ACTN1: variants seen among roughly 807,000 people sequenced by gnomAD.
ACTN1 encodes actinin alpha 1.
Under a neutral mutation model 119.6 loss-of-function variants are expected in ACTN1, and 30 were observed. The ratio of observed to expected loss-of-function variants is 0.25; its 90% CI spans 0.19 to 0.34. The LOEUF (loss-of-function observed/expected upper bound fraction) is 0.34, where lower values mean the gene tolerates loss of function less well. Among genes scored for constraint, ACTN1 ranks in the 10% least tolerant of loss-of-function variants. The probability of loss-of-function intolerance (pLI) is 1.00; values close to 1 mark genes in which losing one functional copy is unlikely to be tolerated. For synonymous variants in ACTN1, 429 were observed against 472.6 expected (o/e 0.91, Z 1.20); for missense variants, 764 against 1,223.4 (o/e 0.62, Z 5.60).
chr14:68,899,837 C>G (rs1253158060), intron 8 of ACTN1, among the ~76,000 whole-genome samples: 2 of 152,224 alleles, frequency 1.3e-5, no homozygotes, highest in Non-Finnish European at 2.9e-5. Flanking sequence ...GCAGAGAGCT[C>G]AGCCTGACCA....
At chr14:68,896,029 C>T (rs1369949430) in intron 8 of ACTN1, among the ~76,000 whole-genome samples, 1 of 152,110 alleles carries the variant, frequency 6.6e-6, no homozygotes, top group Non-Finnish European at 1.5e-5. Context: ...CTGAGAATAC[C>T]ATCCATTATA....
At chr14:68,940,842 G>A (rs2035739966) in intron 1 of ACTN1, among the ~76,000 whole-genome samples, 1 of 152,136 alleles carries the variant, frequency 6.6e-6, no homozygotes, top group South Asian at 2.1e-4. Context: ...AAGAAAGAAA[G>A]AGATCCTGCT....
chr14:68,884,077 C>T, intron 14 of ACTN1, 91 bp downstream of exon 14: 1 of 1,341,612 alleles, frequency 7.5e-7, no homozygotes. Flanking sequence ...GGATGCTCTT[C>T]CTCAGGGGGC....
intron 13 of ACTN1, among the ~76,000 whole-genome samples, 190 bp downstream of exon 13, chr14:68,884,585 A>C (rs2031839825): frequency 6.6e-6 from 1 of 152,274 alleles, no homozygotes; most frequent in African/African-American, 2.4e-5. Flanking sequence ...AGGGCAAGAG[A>C]GGAGGCATCG....
intron 1 of ACTN1, among the ~76,000 whole-genome samples, chr14:68,963,231 T>C (rs1369520326): frequency 6.6e-6 from 1 of 152,180 alleles, no homozygotes; most frequent in Non-Finnish European, 1.5e-5. Flanking sequence ...GGCTGGAGCC[T>C]TCCTTGGAAC....
intron 1 of ACTN1, among the ~76,000 whole-genome samples, chr14:68,968,087 A>G (rs1159617585): frequency 6.6e-6 from 1 of 152,238 alleles, no homozygotes; most frequent in African/African-American, 2.4e-5. Flanking sequence ...TCTCAAGCCC[A>G]GGAAAAGAGG....
intron 8 of ACTN1, 26 bp from the exon 9 acceptor site, chr14:68,893,773 G>A (rs376697696): frequency 1.9e-5 from 31 of 1,610,824 alleles, no homozygotes; most frequent in Middle Eastern, 3.3e-4. Context: ...AGAGAGTCAC[G>A]ACCAGCCAGC....
At chr14:68,908,836 C>T (rs1204643761) in intron 6 of ACTN1, among the ~76,000 whole-genome samples, 1 of 152,162 alleles carries the variant, frequency 6.6e-6, no homozygotes, top group Non-Finnish European at 1.5e-5. Flanking sequence ...GGGAGTGAAA[C>T]CAAAAGAAAA....
At chr14:68,891,198 T>TTG (rs33966595) in intron 10 of ACTN1, among the ~76,000 whole-genome samples, 88,350 of 151,938 alleles carry the variant, frequency 0.58, 26,555 homozygotes, top group East Asian at 0.87. Flanking sequence ...CTCCTGTTAC[T>TTG]TTTCACTTAA....
chr14:68,877,050 C>A (rs915551718), intron 21 of ACTN1, 32 bp downstream of exon 21: 1 of 1,612,224 alleles, frequency 6.2e-7, no homozygotes, highest in East Asian at 2.2e-5. Flanking sequence ...TGCCTGCCAC[C>A]CCAGCACAGT....
At chr14:68,969,451 G>T (rs944193977) in intron 1 of ACTN1, among the ~76,000 whole-genome samples, 2 of 152,204 alleles carry the variant, frequency 1.3e-5, no homozygotes, top group African/African-American at 4.8e-5. Flanking sequence ...GGAAAGAAAG[G>T]CCCTTACAAA....
At chr14:68,915,113 A>G (rs1229274455) in intron 3 of ACTN1, among the ~76,000 whole-genome samples, 1 of 152,152 alleles carries the variant, frequency 6.6e-6, no homozygotes, top group Non-Finnish European at 1.5e-5. Context: ...ACACAGAATG[A>G]CCAAGTAAAT....
rs528805761 is a variant in ACTN1 at position 68,878,418 on chromosome 14, C to T, written c.2427+40G>A. 1.3e-6 allele frequency: 2 copies of T among 1,523,070 alleles called. No individual in the cohort carries two copies. The highest frequency in any genetic ancestry group is 1.8e-6 in the Non-Finnish European group (2 of 1,136,900). The allele number at this position is 1,523,070 out of a possible 1,614,324, so 94.3% of individuals were successfully genotyped here. ...CTTGGCTGCTCCCGCCAGCTGGCTG[C>T]CTTCTCACCAGGGCAGACAGAGGGT... On this transcript the variant is annotated intron_variant, in intron 20 of 21. Transcript: ENST00000394419. This position sits in a 1 kb window ranked among gnomAD's most constrained non-coding sequence, Gnocchi z 4.4.
intron 3 of ACTN1, among the ~76,000 whole-genome samples, chr14:68,916,154 T>A (rs546450057): frequency 9.3e-4 from 142 of 152,046 alleles, no homozygotes; most frequent in Middle Eastern, 3.4e-3. Context: ...AAGGGAAAAA[T>A]TTTTTAAGCC....
chr14:68,932,965 T>G (rs1027929636), intron 1 of ACTN1, among the ~76,000 whole-genome samples: 1 of 152,108 alleles, frequency 6.6e-6, no homozygotes, highest in African/African-American at 2.4e-5. Context: ...TATTGACCAT[T>G]TGCTACACGC....
At position 68,887,970 on chromosome 14, in the gene ACTN1, C is replaced by G; in HGVS notation, c.1234+2169G>C. 5.1e-6 allele frequency: 4 copies of G among 790,658 alleles called. No homozygotes were observed. In the South Asian group the frequency reaches 5.3e-5, roughly 11 times the overall value. The allele number at this position is 790,658 out of a possible 1,614,324, so 49.0% of individuals were successfully genotyped here. ...TCTGAAGATTTATCCTTCACTGCTG[C>G]GTTTTTCGGCTTCGCTTCCACTTTT... On this transcript the variant is annotated intron_variant, in intron 11 of 21. Coordinates refer to ENST00000394419, the MANE Select transcript of ACTN1 (RefSeq NM_001130004.2).
intron 1 of ACTN1, among the ~76,000 whole-genome samples, chr14:68,961,869 C>T (rs78722169): frequency 3.6e-3 from 553 of 152,286 alleles, no homozygotes; most frequent in African/African-American, 0.013. Context: ...CCACGGGAAG[C>T]ATTCCTCATC....
At chr14:68,893,343 C>G (rs2032640525) in intron 9 of ACTN1, among the ~76,000 whole-genome samples, 2 of 152,182 alleles carry the variant, frequency 1.3e-5, no homozygotes, top group South Asian at 4.1e-4. Flanking sequence ...AACTCACAGA[C>G]TAAGAGTACA....
At chr14:68,937,555 G>C (rs925508775) in intron 1 of ACTN1, among the ~76,000 whole-genome samples, 3 of 152,136 alleles carry the variant, frequency 2.0e-5, no homozygotes, top group African/African-American at 7.2e-5. Context: ...CAGGACATGA[G>C]GATACACCAG....
Sources: gnomAD v4.1 joint callset for allele counts (sites outside exome capture counted in the v4.1 genomes callset) on GRCh38, gnomAD v4.1.1 for gene constraint, Gnocchi (gnomAD v3.1) non-coding constraint, MANE v1.5 for transcripts, NCBI Gene and HGNC (gene_info 2026-07-23, HGNC 2026-07-21) for gene names.